The following ANXA4 variants were observed in gnomAD, a reference collection of about 807,000 sequenced individuals.
ANXA4 encodes the protein annexin A4.
ANXA4 carries 39 observed loss-of-function variants against 49.8 expected under a neutral mutation model. The ratio of observed to expected loss-of-function variants is 0.78; its 90% CI spans 0.61 to 1.02. The LOEUF (loss-of-function observed/expected upper bound fraction) is 1.02, where lower values mean the gene tolerates loss of function less well. ANXA4 is among the 50% of genes least tolerant of loss of function. The pLI, the probability that ANXA4 is intolerant of heterozygous loss-of-function variation, is 0.00. For synonymous variants in ANXA4, 134 were observed against 152.5 expected (o/e 0.88, Z 0.89); for missense variants, 360 against 410.1 (o/e 0.88, Z 1.05).
At chr2:69,763,897 G>A (rs765576437) in intron 1 of ANXA4, among the ~76,000 whole-genome samples, 1 of 152,128 alleles carries the variant, frequency 6.6e-6, no homozygotes, top group Non-Finnish European at 1.5e-5. Flanking sequence ...TCCTGACCTT[G>A]TGATCTGCCC....
At chr2:69,820,597 A>T (rs546613305) in intron 11 of ANXA4, 102 bp from the exon 12 acceptor site, 1 of 1,407,060 alleles carries the variant, frequency 7.1e-7, no homozygotes, top group East Asian at 2.3e-5. Flanking sequence ...AGCAAAGGAC[A>T]TCGTCAGCAC....
At chr2:69,663,279 C>T (rs1676795604) in intron 2 of ANXA4, among the ~76,000 whole-genome samples, 1 of 131,924 alleles carries the variant, frequency 7.6e-6, no homozygotes, top group Non-Finnish European at 1.5e-5. Context: ...CAGGCGTGAG[C>T]CAATGCACCC....
At chr2:69,780,527 T>C (rs1160590544) in intron 1 of ANXA4, among the ~76,000 whole-genome samples, 1 of 152,174 alleles carries the variant, frequency 6.6e-6, no homozygotes, top group Non-Finnish European at 1.5e-5. Context: ...TTCCCAGGAA[T>C]GCATGTACTC....
At chr2:69,657,912 G>A (rs1346534427) in intron 2 of ANXA4, among the ~76,000 whole-genome samples, 1 of 152,068 alleles carries the variant, frequency 6.6e-6, no homozygotes, top group African/African-American at 2.4e-5. Flanking sequence ...ATTTTTTATA[G>A]ATATAAGCAT....
At chr2:69,657,313 A>G (rs1297335573) in intron 2 of ANXA4, among the ~76,000 whole-genome samples, 3 of 151,996 alleles carry the variant, frequency 2.0e-5, no homozygotes, top group African/African-American at 2.4e-5. Flanking sequence ...AATTTTTAAC[A>G]CCTTGTACTC....
intron 2 of ANXA4, among the ~76,000 whole-genome samples, chr2:69,716,159 A>G (rs1476982618): frequency 2.0e-5 from 3 of 151,962 alleles, no homozygotes; most frequent in Non-Finnish European, 4.4e-5. Flanking sequence ...ATACATGTAC[A>G]TATGAGTAAG....
intron 2 of ANXA4, among the ~76,000 whole-genome samples, chr2:69,715,710 A>G (rs1001674425): frequency 1.3e-5 from 2 of 152,220 alleles, no homozygotes; most frequent in East Asian, 1.9e-4. Flanking sequence ...AACTGGCTCT[A>G]TGTCTATCTG....
chr2:69,809,212 T>C (rs1673588780), intron 6 of ANXA4: 1 of 152,212 alleles, frequency 6.6e-6, no homozygotes. Flanking sequence ...CCCTTCTTTT[T>C]ACTTATTTGT....
chr2:69,686,426 G>A lies in ANXA4; in HGVS notation n.766+33144G>A, dbSNP rs141737484. On this transcript the variant is annotated intron_variant and non_coding_transcript_variant, in intron 2 of 3. Coordinates refer to the ANXA4 transcript ENST00000418066. ...TTTCAAACTCTTGACCTCGTGATCT[G>A]CCCAAAGTGCTGGAATTACAGGCGT... 3.4e-4 allele frequency among the ~76,000 whole-genome samples: 51 copies of A among 151,980 alleles called. No individual in the cohort carries two copies. In the East Asian group the frequency reaches 9.5e-3, roughly 28 times the overall value.
chr2:69,812,289 G>T (rs1251928516), intron 7 of ANXA4, among the ~76,000 whole-genome samples: 1 of 152,068 alleles, frequency 6.6e-6, no homozygotes, highest in Non-Finnish European at 1.5e-5. Flanking sequence ...TTTTGGCAGA[G>T]GTTGATCAAT....
chr2:69,736,401 G>A (rs1277743367), intron 3 of ANXA4, among the ~76,000 whole-genome samples: 4 of 152,112 alleles, frequency 2.6e-5, no homozygotes, highest in Non-Finnish European at 5.9e-5. Flanking sequence ...TCATCGAACC[G>A]TGTGAGGATT....
At chr2:69,724,559 G>A (rs550885781) in intron 3 of ANXA4, among the ~76,000 whole-genome samples, 1 of 152,146 alleles carries the variant, frequency 6.6e-6, no homozygotes, top group Non-Finnish European at 1.5e-5. Flanking sequence ...CTTCAAAAGA[G>A]CCCCCTCAAT....
chr2:69,796,076 C>T (rs1429758561), intron 3 of ANXA4, among the ~76,000 whole-genome samples: 1 of 152,178 alleles, frequency 6.6e-6, no homozygotes, highest in African/African-American at 2.4e-5. Flanking sequence ...GGGGTCTGAG[C>T]CCTAGGACCT....
intron 1 of ANXA4, among the ~76,000 whole-genome samples, chr2:69,759,524 T>A (rs1484825289): frequency 1.3e-5 from 2 of 152,218 alleles, no homozygotes; most frequent in Admixed American, 1.3e-4. Flanking sequence ...GTGGAAAGAT[T>A]CATTATTTTC....
In ANXA4 at chr2:69,757,443, T is replaced by G. The variant is rs1463211729; in HGVS notation, c.-47+15268T>G. Among the ~76,000 whole-genome samples, 3 of 145,702 alleles carry G rather than the reference T, an allele frequency of 2.1e-5. 1 individual carries two copies. The highest frequency in any genetic ancestry group is 4.4e-4 in the South Asian group (2 of 4,552). ...CTATCACCACGCCTAATTTTTTGTT[T>G]TTTTTTTTTTTAGTAGAGACAGGGT... On this transcript the variant is annotated intron_variant, in intron 1 of 12. Coordinates refer to ENST00000394295, the MANE Select transcript of ANXA4 (RefSeq NM_001153.5).
rs191356384 is a variant in ANXA4 at position 69,823,366 on chromosome 2, A to T, written c.907-2090A>T. 1.3e-3 allele frequency among the ~76,000 whole-genome samples: 201 copies of T among 151,784 alleles called. 1 individual carries two copies. Among genetic ancestry groups the T allele is most frequent in the African/African-American group, 4.0e-3 (165 of 41,540 alleles). ...GAAAAAAGCAGAATAGAAGCATAAA[A>T]TATGTAAATAATAGAAAAAAATGAC... On this transcript the variant is annotated intron_variant, in intron 12 of 12. Coordinates refer to ENST00000394295, the MANE Select transcript of ANXA4 (RefSeq NM_001153.5).
At chr2:69,756,746 A>G (rs1277887820) in intron 1 of ANXA4, among the ~76,000 whole-genome samples, 2 of 152,040 alleles carry the variant, frequency 1.3e-5, no homozygotes, top group South Asian at 2.1e-4. Context: ...AATTGGAAAC[A>G]TACTTAGAAT....
intron 2 of ANXA4, among the ~76,000 whole-genome samples, chr2:69,655,339 C>CA (rs1322511650): frequency 6.6e-6 from 1 of 152,052 alleles, no homozygotes; most frequent in Non-Finnish European, 1.5e-5. Flanking sequence ...AAGAAAAAAA[C>CA]AGACAACCCA....
At chr2:69,780,480 G>C (rs1263963939) in intron 1 of ANXA4, among the ~76,000 whole-genome samples, 1 of 152,230 alleles carries the variant, frequency 6.6e-6, no homozygotes, top group Non-Finnish European at 1.5e-5. Context: ...ACAGGCGTGA[G>C]CCACCACGCC....
Sources: gnomAD v4.1 joint callset for allele counts (sites outside exome capture counted in the v4.1 genomes callset) on GRCh38, gnomAD v4.1.1 for gene constraint, MANE v1.5 for transcripts, NCBI Gene and HGNC (gene_info 2026-07-23, HGNC 2026-07-21) for gene names.